Variants in NEK1 observed in about 807,000 individuals in gnomAD.
The protein encoded by NEK1 is serine/threonine-protein kinase Nek1.
A neutral mutation model predicts 182.1 loss-of-function variants in NEK1; 137 were observed. The observed-to-expected ratio is 0.75, with a 90% CI of 0.65 to 0.87. The LOEUF is 0.87. NEK1 is among the 40% of genes least tolerant of loss of function. The pLI is 0.00. For synonymous variants in NEK1, 513 were observed against 492.2 expected (o/e 1.04, Z -0.56); for missense variants, 1,391 against 1,494.4 (o/e 0.93, Z 1.14).
chr4:169,396,365 C>CAAAAAAAAAAAAAAAAAAAAA (rs70961598), intron 35 of NEK1, among the ~76,000 whole-genome samples: 2 of 38,052 alleles, frequency 5.3e-5, no homozygotes, highest in Non-Finnish European at 4.5e-5. Context: ...GACTCCATCT[C>CAAAAAAAAAAAAAAAAAAAAA]AAAAAAAAAA....
At position 169,463,129 on chromosome 4, in the gene NEK1, A is replaced by G. The variant is rs189458227; in HGVS notation, c.2587+114T>C. The G allele has an allele frequency of 3.1e-4, 188 of 600,394 alleles. No individual in the cohort carries two copies. In the African/African-American group the frequency reaches 3.3e-3, roughly 11 times the overall value. The allele number at this position is 600,394 out of a possible 1,614,324, so 37.2% of individuals were successfully genotyped here. Reference sequence around the variant, plus strand: ...TTCTCAATCTAATTAAAAAATTATTATAAGAGAAAGATAATTAAAAATAAT... The same window carrying G: ...TTCTCAATCTAATTAAAAAATTATTGTAAGAGAAAGATAATTAAAAATAAT... On this transcript the variant is annotated intron_variant, in intron 27 of 35. Coordinates refer to ENST00000507142, the MANE Select transcript of NEK1 (RefSeq NM_001199397.3).
At chr4:169,603,866 C>T (rs191849289) in intron 2 of NEK1, among the ~76,000 whole-genome samples, 1 of 152,020 alleles carries the variant, frequency 6.6e-6, no homozygotes, top group African/African-American at 2.4e-5. Context: ...CCACCACACA[C>T]AGCTAATTTT....
intron 19 of NEK1, among the ~76,000 whole-genome samples, chr4:169,529,663 T>G (rs1757391817): frequency 6.6e-6 from 1 of 152,200 alleles, no homozygotes; most frequent in South Asian, 2.1e-4. Flanking sequence ...GAGAAAGTAT[T>G]GGCAAATCAT....
chr4:169,451,251 T>A (rs1487424517), intron 27 of NEK1, among the ~76,000 whole-genome samples: 4 of 152,108 alleles, frequency 2.6e-5, no homozygotes, highest in Non-Finnish European at 5.9e-5. Context: ...AACAAGGATA[T>A]CCAGGACCTG....
intron 12 of NEK1, among the ~76,000 whole-genome samples, chr4:169,570,922 G>A (rs1258130781): frequency 6.6e-6 from 1 of 152,018 alleles, no homozygotes; most frequent in Non-Finnish European, 1.5e-5. Flanking sequence ...GTCCACTCAG[G>A]GTTAAATGGA....
At position 169,602,032 on chromosome 4, in the gene NEK1, C is replaced by G; in HGVS notation, c.190G>C (p.Val64Leu). The G allele has an allele frequency of 6.2e-7, 1 of 1,612,392 alleles. No individual in the cohort carries two copies. The highest frequency in any genetic ancestry group is 8.5e-7 in the Non-Finnish European group (1 of 1,178,620). The stretch of plus-strand genomic sequence containing the variant: ...CCTTCAAATGATTCTCTATACTGGA[C>G]AATATTTGGATGCTTCATGTTTGCC... ...VLANMKHPNI[V>L]QYRESFEENG... Residue 64 changes from valine (V) to leucine (L), a missense_variant, in exon 4 of 36, where the codon GTC (valine) becomes CTC (leucine). Transcript: ENST00000507142.
intron 23 of NEK1, among the ~76,000 whole-genome samples, chr4:169,499,836 A>G (rs1752086625): frequency 6.6e-6 from 1 of 152,042 alleles, no homozygotes; most frequent in African/African-American, 2.4e-5. Flanking sequence ...CAGTTAGGCT[A>G]CTCGGGGGTC....
At chr4:169,595,630 T>C (rs559862356) in intron 5 of NEK1, among the ~76,000 whole-genome samples, 215 of 152,142 alleles carry the variant, frequency 1.4e-3, no homozygotes, top group African/African-American at 5.0e-3. Flanking sequence ...CTAAGAAATA[T>C]ATGTGGAACC....
intron 4 of NEK1, among the ~76,000 whole-genome samples, chr4:169,600,712 T>C (rs962792022): frequency 7.9e-5 from 12 of 152,186 alleles, no homozygotes; most frequent in African/African-American, 2.9e-4. Context: ...TCCTGAAAAC[T>C]ATAATTCACT....
intron 31 of NEK1, among the ~76,000 whole-genome samples, chr4:169,409,676 G>A (rs1199793405): frequency 2.0e-5 from 3 of 152,096 alleles, no homozygotes; most frequent in Non-Finnish European, 4.4e-5. Flanking sequence ...GCTGAGGCAG[G>A]AGAATTGCTT....
chr4:169,478,178 G>T (rs1747318244), intron 24 of NEK1, among the ~76,000 whole-genome samples: 1 of 152,008 alleles, frequency 6.6e-6, no homozygotes, highest in South Asian at 2.1e-4. Context: ...GCATGTAGAA[G>T]ATTCAAAGAA....
intron 29 of NEK1, among the ~76,000 whole-genome samples, chr4:169,427,441 A>G (rs1736599091): frequency 6.8e-6 from 1 of 147,256 alleles, no homozygotes; most frequent in East Asian, 2.1e-4. Flanking sequence ...CAAATTTTAA[A>G]TAATTTTCTA....
In NEK1 at chr4:169,472,980, C is replaced by T. The variant is rs575196437; in HGVS notation, c.2434+4144G>A. 2.6e-5 allele frequency among the ~76,000 whole-genome samples: 4 copies of T among 151,974 alleles called. No homozygotes were observed. In the East Asian group the frequency reaches 5.8e-4, roughly 22 times the overall value. ...CAGAAATAAAAAATCAAATACTGGC[C>T]GGGCACAGTAGCTCACACCTGTAAT... On this transcript the variant is annotated intron_variant, in intron 26 of 35. Transcript: ENST00000507142.
chr4:169,596,573 T>C (rs1769529640), intron 5 of NEK1, among the ~76,000 whole-genome samples: 1 of 152,226 alleles, frequency 6.6e-6, no homozygotes, highest in Admixed American at 6.5e-5. Context: ...CTTCTTAACC[T>C]GACTAGATTT....
rs188311755 is a variant in NEK1 at position 169,427,448 on chromosome 4, T to C, written c.2886-1214A>G. 2.5e-3 allele frequency among the ~76,000 whole-genome samples: 373 copies of C among 151,444 alleles called. 2 individuals are homozygous for C. Among genetic ancestry groups the C allele is most frequent in the South Asian group, 0.01 (48 of 4,784 alleles). ...GCCTGTTTCAAATTTTAAATAATTT[T>C]CTACTTTCTCATTTTCAGATTTTCA... On this transcript the variant is annotated intron_variant, in intron 29 of 35. Coordinates refer to ENST00000507142, the MANE Select transcript of NEK1 (RefSeq NM_001199397.3).
chr4:169,507,267 A>C, intron 22 of NEK1, 135 bp from the exon 23 acceptor site: 1 of 544,654 alleles, frequency 1.8e-6, no homozygotes, highest in Non-Finnish European at 3.1e-6. Flanking sequence ...CTTAGAATAA[A>C]AATGTAAGCT....
intron 12 of NEK1, among the ~76,000 whole-genome samples, chr4:169,570,588 G>A (rs541000026): frequency 4.0e-5 from 6 of 151,340 alleles, no homozygotes; most frequent in African/African-American, 9.7e-5. Flanking sequence ...CAGCCGCCCC[G>A]TCCAGGAGGT....
intron 18 of NEK1, chr4:169,554,244 T>A (rs556128219): frequency 5.9e-5 from 9 of 152,048 alleles, no homozygotes; most frequent in African/African-American, 1.4e-4. Flanking sequence ...ATAGCAAGAC[T>A]CCATTCTACA....
At chr4:169,596,703 A>G (rs776234738) in intron 5 of NEK1, among the ~76,000 whole-genome samples, 14 of 152,194 alleles carry the variant, frequency 9.2e-5, no homozygotes, top group Non-Finnish European at 1.8e-4. Flanking sequence ...GGACAAAATC[A>G]TCTCAAACTG....
Sources: allele counts gnomAD v4.1 joint callset (sites outside exome capture counted in the v4.1 genomes callset), GRCh38; gene constraint gnomAD v4.1.1; transcripts MANE v1.5; gene names NCBI Gene and HGNC (gene_info 2026-07-23, HGNC 2026-07-21).